The following HTR1F variants were observed in gnomAD, a reference collection of about 807,000 sequenced individuals.
HTR1F encodes 5-hydroxytryptamine (serotonin) receptor 1F, G protein-coupled.
A neutral mutation model predicts 24.0 loss-of-function variants in HTR1F; 17 were observed. That is an observed-to-expected ratio of 0.71 (90% CI 0.48 to 1.06). The LOEUF is 1.06. HTR1F is among the 50% of genes least tolerant of loss of function. HTR1F has a pLI of 0.00. For missense variants in HTR1F, 391 were observed against 427.8 expected (o/e 0.91, Z 0.76); for synonymous variants, 186 against 156.8 (o/e 1.19, Z -1.39).
chr3:87,923,825 G>T (rs1022141996), intron 2 of HTR1F, among the ~76,000 whole-genome samples: 6 of 151,826 alleles, frequency 4.0e-5, no homozygotes, highest in African/African-American at 1.2e-4. Flanking sequence ...AACCAATCTT[G>T]CATCTTTGGG....
intron 2 of HTR1F, among the ~76,000 whole-genome samples, chr3:87,839,112 G>A (rs73145264): frequency 0.077 from 11,443 of 149,164 alleles, 519 homozygotes; most frequent in Middle Eastern, 0.11. Context: ...TGTGCATTTG[G>A]GTTCATACTC....
At chr3:87,857,283 T>A (rs1161033321) in intron 2 of HTR1F, among the ~76,000 whole-genome samples, 1 of 151,468 alleles carries the variant, frequency 6.6e-6, no homozygotes, top group African/African-American at 2.4e-5. Context: ...CTGATTATGG[T>A]AAAAAAAAGT....
At chr3:87,857,796 T>C (rs1222747830) in intron 2 of HTR1F, among the ~76,000 whole-genome samples, 1 of 152,170 alleles carries the variant, frequency 6.6e-6, no homozygotes, top group Admixed American at 6.6e-5. Flanking sequence ...GTACGTTCTA[T>C]GGATTAAGGC....
chr3:87,849,864 T>C lies in HTR1F; in HGVS notation c.-43+27740T>C, dbSNP rs1705040742. On this transcript the variant is annotated intron_variant, in intron 2 of 2. Transcript: ENST00000319595. ...CAAAAGACAGATGAAAAAATGCTCATCATCACTGGCCATCAGAGAAATGTA... is the reference window on the plus strand; with the variant it reads ...CAAAAGACAGATGAAAAAATGCTCACCATCACTGGCCATCAGAGAAATGTA... Among the ~76,000 whole-genome samples the C allele has an allele frequency of 3.9e-5, 6 of 152,028 alleles. No homozygotes were observed. The South Asian group carries it at 1.0e-3, about 26-fold the overall frequency.
At chr3:87,942,603 T>C (rs1174623179) in intron 2 of HTR1F, among the ~76,000 whole-genome samples, 2 of 152,108 alleles carry the variant, frequency 1.3e-5, no homozygotes, top group Admixed American at 6.5e-5. Context: ...TTATTTCTAC[T>C]TGGATAATCT....
At chr3:87,923,940 T>A (rs1704067794) in intron 2 of HTR1F, among the ~76,000 whole-genome samples, 1 of 152,106 alleles carries the variant, frequency 6.6e-6, no homozygotes, top group Admixed American at 6.6e-5. Context: ...TTGAGGATAT[T>A]GGCCTTTAGT....
chr3:87,863,387 C>A (rs866132052), intron 2 of HTR1F, among the ~76,000 whole-genome samples: 4 of 152,136 alleles, frequency 2.6e-5, no homozygotes, highest in South Asian at 2.1e-4. Context: ...TGTTTCCACT[C>A]ACAATTTACT....
chr3:87,949,858 G>T (rs1183920958), intron 2 of HTR1F, among the ~76,000 whole-genome samples: 1 of 152,162 alleles, frequency 6.6e-6, no homozygotes, highest in Non-Finnish European at 1.5e-5. Flanking sequence ...CAATGTCTTG[G>T]TCTACTTTAC....
intron 2 of HTR1F, among the ~76,000 whole-genome samples, chr3:87,977,898 C>A (rs1466721703): frequency 6.6e-6 from 1 of 152,118 alleles, no homozygotes; most frequent in African/African-American, 2.4e-5. Context: ...TTACTCAGAC[C>A]CACTGGACTT....
intron 1 of HTR1F, among the ~76,000 whole-genome samples, chr3:87,798,744 T>C (rs1249259865): frequency 6.6e-6 from 1 of 152,172 alleles, no homozygotes; most frequent in African/African-American, 2.4e-5. Context: ...TACTGATCAC[T>C]GAAAACTCAG....
chr3:87,838,982 TATTG>T (rs1486224717), intron 2 of HTR1F, among the ~76,000 whole-genome samples: 4 of 151,362 alleles, frequency 2.6e-5, no homozygotes, highest in Non-Finnish European at 1.5e-5. Flanking sequence ...CTCTTTATTC[TATTG>T]ATTGTTCTTT....
intron 2 of HTR1F, among the ~76,000 whole-genome samples, chr3:87,945,863 G>T (rs1704687156): frequency 6.6e-6 from 1 of 152,148 alleles, no homozygotes; most frequent in African/African-American, 2.4e-5. Flanking sequence ...TGTTACCGGG[G>T]GGGTCCTTGC....
At chr3:87,930,598 G>C (rs1205813295) in intron 2 of HTR1F, among the ~76,000 whole-genome samples, 2 of 152,084 alleles carry the variant, frequency 1.3e-5, no homozygotes, top group South Asian at 4.1e-4. Context: ...TTATTGATTT[G>C]TGTATGTTGT....
At chr3:87,981,000 G>A (rs1705529433) in intron 2 of HTR1F, among the ~76,000 whole-genome samples, 1 of 152,000 alleles carries the variant, frequency 6.6e-6, no homozygotes, top group African/African-American at 2.4e-5. Context: ...TGCACCTGGG[G>A]GGGTGGGGCT....
chr3:87,828,938 ATTCTTCAGGTGCTT>A (rs1704517628), intron 2 of HTR1F, among the ~76,000 whole-genome samples: 1 of 151,718 alleles, frequency 6.6e-6, no homozygotes, highest in African/African-American at 2.4e-5. Context: ...TCCTTCCTGG[ATTCTTCAGGTGCTT>A]TTCATCAACA....
At chr3:87,858,113 G>T (rs1170987089) in intron 2 of HTR1F, among the ~76,000 whole-genome samples, 1 of 152,092 alleles carries the variant, frequency 6.6e-6, no homozygotes, top group East Asian at 1.9e-4. Flanking sequence ...TCAGGCCCTG[G>T]TCTAATTATT....
At chr3:87,841,513 C>G (rs1412649984) in intron 2 of HTR1F, among the ~76,000 whole-genome samples, 1 of 151,862 alleles carries the variant, frequency 6.6e-6, no homozygotes, top group Non-Finnish European at 1.5e-5. Context: ...GTTGGGAACT[C>G]TAGTCAGTGG....
At chr3:87,926,079 G>T (rs148792851) in intron 2 of HTR1F, among the ~76,000 whole-genome samples, 4 of 152,236 alleles carry the variant, frequency 2.6e-5, no homozygotes, top group Non-Finnish European at 4.4e-5. Flanking sequence ...CATATTTTAA[G>T]ACATAGGCTT....
At chr3:87,979,028 G>A (rs1576115164) in intron 2 of HTR1F, among the ~76,000 whole-genome samples, 1 of 3,282 alleles carries the variant, frequency 3.0e-4, no homozygotes, top group African/African-American at 5.3e-4. Flanking sequence ...AGGAGGGAGG[G>A]AGGGAGGGAG....
Sources: gnomAD v4.1 joint callset for allele counts (sites outside exome capture counted in the v4.1 genomes callset) on GRCh38, gnomAD v4.1.1 for gene constraint, MANE v1.5 for transcripts, NCBI Gene and HGNC (gene_info 2026-07-23, HGNC 2026-07-21) for gene names.